Variants in ARHGEF18 observed in about 807,000 individuals in gnomAD.
ARHGEF18 encodes the protein rho guanine nucleotide exchange factor 18.
In ARHGEF18, 93 loss-of-function variants were observed where a neutral mutation model predicts 155.7. The observed-to-expected ratio is 0.60, with a 90% CI of 0.50 to 0.71. The LOEUF is 0.71. Ranked by LOEUF, ARHGEF18 falls within the 30% of genes least tolerant of loss-of-function variation. The pLI, the probability that ARHGEF18 is intolerant of heterozygous loss-of-function variation, is 0.00. For synonymous variants in ARHGEF18, 742 were observed against 753.1 expected, an observed-to-expected ratio of 0.99 and a Z score of 0.24; for missense variants, 1,593 against 1,816.1, an observed-to-expected ratio of 0.88 and a Z score of 2.23.
intron 10 of ARHGEF18, among the ~76,000 whole-genome samples, chr19:7,429,008 C>T (rs1973812935): frequency 6.6e-6 from 1 of 152,220 alleles, no homozygotes; most frequent in Admixed American, 6.5e-5. Context: ...AAAGGAAGCC[C>T]GCAGGCCTAG....
chr19:7,424,103 C>A (rs943491175), intron 10 of ARHGEF18, among the ~76,000 whole-genome samples: 1 of 151,892 alleles, frequency 6.6e-6, no homozygotes, highest in Non-Finnish European at 1.5e-5. Context: ...CTCGGCTGAC[C>A]GCAACCTCCA....
intron 15 of ARHGEF18, among the ~76,000 whole-genome samples, chr19:7,449,948 G>A (rs1464544551): frequency 1.3e-5 from 2 of 152,178 alleles, no homozygotes; most frequent in African/African-American, 2.4e-5. Context: ...AAAGTGCTGA[G>A]ATTACAGGCA....
In ARHGEF18 at chr19:7,395,672, C is replaced by A. The variant is rs1037599580; in HGVS notation, c.967+12469C>A. The stretch of plus-strand genomic sequence containing the variant: ...CAGGCCTCCCGGGAGAACCCTCACA[C>A]CCCGGAGCAGACAGCCCTCCCTGGC... On this transcript the variant is annotated intron_variant, in intron 10 of 28. Transcript: ENST00000668164. The surrounding 1 kb of genome is among the most constrained non-coding windows in gnomAD (Gnocchi z 5.0). Among the ~76,000 whole-genome samples, 1 of 152,128 alleles carries A rather than the reference C, an allele frequency of 6.6e-6. No homozygotes were observed. Among genetic ancestry groups the A allele is most frequent in the Non-Finnish European group, 1.5e-5 (1 of 68,030 alleles).
chr19:7,366,086 C>T (rs768488274), intron 2 of ARHGEF18, among the ~76,000 whole-genome samples: 2 of 152,194 alleles, frequency 1.3e-5, no homozygotes, highest in Non-Finnish European at 2.9e-5. Flanking sequence ...GCTGAGATTA[C>T]AGGCACCCAC....
At chr19:7,476,646 G>A (rs1977234356), downstream of ARHGEF18, among the ~76,000 whole-genome samples, 1 of 152,242 alleles carries the variant, frequency 6.6e-6, no homozygotes, top group Non-Finnish European at 1.5e-5. Context: ...GAGAGGTGGC[G>A]CCTCTGGCCT....
intron 10 of ARHGEF18, among the ~76,000 whole-genome samples, chr19:7,434,360 G>A (rs188290936): frequency 7.9e-5 from 12 of 152,266 alleles, no homozygotes; most frequent in Middle Eastern, 3.4e-3. Flanking sequence ...ATAGGCCACT[G>A]TCTGTGTTTG....
chr19:7,432,685 T>G (rs535480333), intron 10 of ARHGEF18, among the ~76,000 whole-genome samples: 1 of 152,194 alleles, frequency 6.6e-6, no homozygotes, highest in African/African-American at 2.4e-5. Flanking sequence ...TGGAGACTTA[T>G]GGACTAGGGC....
intron 10 of ARHGEF18, among the ~76,000 whole-genome samples, chr19:7,423,361 T>C (rs2145687041): frequency 6.6e-6 from 1 of 152,196 alleles, no homozygotes; most frequent in East Asian, 1.9e-4. Flanking sequence ...GTGGATGTCA[T>C]TTATTACTTC....
chr19:7,407,758 T>A (rs1972404054), intron 10 of ARHGEF18, among the ~76,000 whole-genome samples: 1 of 151,732 alleles, frequency 6.6e-6, no homozygotes, highest in African/African-American at 2.4e-5. Flanking sequence ...GTCAGGAGAT[T>A]AAGACCATCT....
chr19:7,357,412 G>A (rs563972308), intron 1 of ARHGEF18, among the ~76,000 whole-genome samples: 4 of 152,336 alleles, frequency 2.6e-5, no homozygotes, highest in African/African-American at 9.6e-5. Flanking sequence ...GCAGGTGGGG[G>A]AGTGAGCTGT....
chr19:7,395,040 T>C lies in ARHGEF18; in HGVS notation c.967+11837T>C, dbSNP rs1050884115. The C allele has an allele frequency of 3.0e-6, 3 of 984,912 alleles. No individual in the cohort carries two copies. The highest frequency in any genetic ancestry group is 9.4e-5 in the South Asian group (2 of 21,286). The allele number at this position is 984,912 out of a possible 1,614,324, so 61.0% of individuals were successfully genotyped here. A position where few individuals can be genotyped will look rare whatever the true frequency, so the allele number is the denominator to read the frequency against. On this transcript the variant is annotated intron_variant, in intron 10 of 28. Coordinates refer to ENST00000668164, the MANE Select transcript of ARHGEF18 (RefSeq NM_001367823.1). The surrounding 1 kb of genome is among the most constrained non-coding windows in gnomAD (Gnocchi z 5.0). ...CCAGGTCCCCGGGAGCGCCCCGCCC[T>C]CGAGGGCACGCCTCCTTCCGGGTCA...
intron 10 of ARHGEF18, among the ~76,000 whole-genome samples, chr19:7,435,485 G>A (rs552590231): frequency 6.6e-6 from 1 of 152,248 alleles, no homozygotes; most frequent in South Asian, 2.1e-4. Flanking sequence ...GTTTCCCGGG[G>A]AACAAATGGG....
At chr19:7,407,699 ATTTTTT>A (rs1379007191) in intron 10 of ARHGEF18, among the ~76,000 whole-genome samples, 1 of 151,866 alleles carries the variant, frequency 6.6e-6, no homozygotes, top group Non-Finnish European at 1.5e-5. Context: ...GGGCCAGCAA[ATTTTTT>A]CTGTTAAGAG....
chr19:7,408,002 G>T (rs1972443971), intron 10 of ARHGEF18, among the ~76,000 whole-genome samples: 1 of 149,022 alleles, frequency 6.7e-6, no homozygotes, highest in Non-Finnish European at 1.5e-5. Flanking sequence ...TAGTAGGCTG[G>T]GTGCAGTGGC....
chr19:7,419,627 G>A (rs1368239445), intron 10 of ARHGEF18, among the ~76,000 whole-genome samples: 2 of 152,038 alleles, frequency 1.3e-5, no homozygotes, highest in Admixed American at 1.3e-4. Context: ...CTCTTGAAGG[G>A]TTTCCTTTTC....
chr19:7,352,060 T>C (rs1307671607), intron 1 of ARHGEF18, among the ~76,000 whole-genome samples: 1 of 152,146 alleles, frequency 6.6e-6, no homozygotes, highest in Admixed American at 6.6e-5. Flanking sequence ...GTGTTTCTTC[T>C]TGTTTTTTGG....
intron 27 of ARHGEF18, among the ~76,000 whole-genome samples, chr19:7,469,614 C>T (rs1395710046): frequency 2.0e-5 from 3 of 152,198 alleles, no homozygotes; most frequent in Non-Finnish European, 4.4e-5. Context: ...GGGATGTTCT[C>T]TGAAGATTAA....
downstream of ARHGEF18, chr19:7,473,197 G>T (rs1977117403): frequency 2.2e-6 from 1 of 456,132 alleles, no homozygotes; most frequent in East Asian, 6.9e-5. Context: ...GTCCAGTGAG[G>T]CGAGGACCCT....
intron 1 of ARHGEF18, among the ~76,000 whole-genome samples, chr19:7,353,717 C>T (rs2145310493): frequency 6.6e-6 from 1 of 151,190 alleles, no homozygotes; most frequent in African/African-American, 2.4e-5. Flanking sequence ...CTTTCGGAGG[C>T]CGAGGTGGGA....
Sources: gnomAD v4.1 joint callset for allele counts (sites outside exome capture counted in the v4.1 genomes callset) on GRCh38, gnomAD v4.1.1 for gene constraint, Gnocchi (gnomAD v3.1) non-coding constraint, MANE v1.5 for transcripts, NCBI Gene and HGNC (gene_info 2026-07-23, HGNC 2026-07-21) for gene names.